MLIP: variants seen among roughly 807,000 people sequenced by gnomAD.
MLIP encodes the protein muscular LMNA-interacting protein.
A neutral mutation model predicts 84.8 loss-of-function variants in MLIP; 79 were observed. That is an observed-to-expected ratio of 0.93 (90% CI 0.78 to 1.12). MLIP has a LOEUF of 1.12. MLIP is among the 50% of genes most tolerant of loss of function. The pLI, the probability that MLIP is intolerant of heterozygous loss-of-function variation, is 0.00. For missense variants in MLIP, 1,257 were observed against 1,160.6 expected, an observed-to-expected ratio of 1.08 and a Z score of -1.21; for synonymous variants, 504 against 463.0, an observed-to-expected ratio of 1.09 and a Z score of -1.14.
chr6:54,176,454 G>C (rs1430372029), intron 9 of MLIP, among the ~76,000 whole-genome samples: 1 of 151,766 alleles, frequency 6.6e-6, no homozygotes, highest in Non-Finnish European at 1.5e-5. Flanking sequence ...TTTCTTCATG[G>C]TTCAGTCTTG....
At chr6:54,184,937 C>T (rs1170002296) in intron 9 of MLIP, among the ~76,000 whole-genome samples, 3 of 152,070 alleles carry the variant, frequency 2.0e-5, no homozygotes, top group Admixed American at 6.6e-5. Context: ...AAAACTGGAG[C>T]GATATGAATG....
rs1433078318 is a variant in MLIP at position 54,136,921 on chromosome 6, T to G, written c.852T>G (p.Ser284=). The change falls in exon 4 of 14, where the codon TCT becomes TCG. Residue 284 remains serine, a synonymous_variant. Transcript: ENST00000502396. ...SATYFQTTAH[S]TPFSASKGTS... ...CGTATTTTCAAACTACCGCTCACTC[T>G]ACACCCTTTTCTGCATCGAAGGGCA... 6.5e-7 allele frequency: 1 copy of G among 1,536,036 alleles called. No individual in the cohort carries two copies. Among genetic ancestry groups the G allele is most frequent in the East Asian group, 2.4e-5 (1 of 40,914 alleles).
chr6:54,112,004 G>A (rs1027334673), intron 1 of MLIP, among the ~76,000 whole-genome samples: 2 of 152,200 alleles, frequency 1.3e-5, no homozygotes, highest in South Asian at 2.1e-4. Flanking sequence ...AGAAGATGAC[G>A]TTCTTAGAGA....
chr6:54,218,101 A>G (rs1582534544), intron 11 of MLIP: 32 of 531,414 alleles, frequency 6.0e-5, no homozygotes, highest in Non-Finnish European at 7.2e-5. Context: ...TGCCTATTTC[A>G]GTTATGTGTC....
chr6:54,024,474 A>C (rs1763686194), intron 1 of MLIP, among the ~76,000 whole-genome samples: 1 of 152,178 alleles, frequency 6.6e-6, no homozygotes, highest in Admixed American at 6.5e-5. Context: ...GTGTCTTCAG[A>C]GATGCAACCT....
chr6:54,216,171 CTTG>C, intron 11 of MLIP: 2 of 985,204 alleles, frequency 2.0e-6, no homozygotes, highest in Non-Finnish European at 2.4e-6. Flanking sequence ...TTAAATGTTT[CTTG>C]TTATCATTTC....
intron 1 of MLIP, among the ~76,000 whole-genome samples, chr6:54,070,240 A>T (rs1234760068): frequency 6.6e-6 from 1 of 152,030 alleles, no homozygotes; most frequent in Non-Finnish European, 1.5e-5. Flanking sequence ...CATTTTTGTT[A>T]TTCTCCTTCA....
intron 1 of MLIP, among the ~76,000 whole-genome samples, chr6:54,116,435 A>T (rs1015034026): frequency 2.6e-5 from 4 of 152,348 alleles, no homozygotes; most frequent in African/African-American, 9.6e-5. Flanking sequence ...TACCACAGAA[A>T]TACAAAGTAT....
chr6:54,068,357 G>A lies in MLIP; in HGVS notation c.63+49266G>A, dbSNP rs561703978. Among the ~76,000 whole-genome samples the A allele has an allele frequency of 3.1e-5, 3 of 97,520 alleles. 1 individual carries two copies. In the East Asian group the frequency reaches 8.3e-4, roughly 27 times the overall value. 64.0% of individuals were successfully genotyped at this position (97,520 alleles called of 152,430 possible). ...TCACCATGTCGGCCAGGCTGGTCTC[G>A]AACTCCTGACCTCAAGTGATCCACC... On this transcript the variant is annotated intron_variant, in intron 1 of 12. Coordinates refer to the MLIP transcript ENST00000274897.
At chr6:54,089,013 A>G (rs1048093211) in intron 1 of MLIP, among the ~76,000 whole-genome samples, 6 of 152,022 alleles carry the variant, frequency 3.9e-5, no homozygotes, top group African/African-American at 1.5e-4. Flanking sequence ...CTGGAAAAAA[A>G]AGTGGAGACT....
intron 11 of MLIP, among the ~76,000 whole-genome samples, chr6:54,209,732 C>T (rs527949305): frequency 2.6e-4 from 40 of 151,990 alleles, no homozygotes; most frequent in Admixed American, 4.6e-4. Context: ...CAATTTTGTT[C>T]CTTTTCATCA....
At chr6:54,138,501 T>C (rs997352601) in intron 4 of MLIP, among the ~76,000 whole-genome samples, 2 of 152,188 alleles carry the variant, frequency 1.3e-5, no homozygotes, top group Non-Finnish European at 2.9e-5. Context: ...CCTTTGATTT[T>C]GAAAATCCTC....
chr6:54,125,232 A>G (rs1033031868), intron 3 of MLIP, among the ~76,000 whole-genome samples: 8 of 152,208 alleles, frequency 5.3e-5, no homozygotes, highest in Admixed American at 2.6e-4. Flanking sequence ...CAAGAAGCAT[A>G]TTTCAGACGT....
chr6:54,217,259 A>T, intron 11 of MLIP: 1 of 985,414 alleles, frequency 1.0e-6, no homozygotes. Flanking sequence ...AAACCACAGG[A>T]AAGGAAGTGA....
At chr6:54,203,056 T>C (rs1778800669) in intron 11 of MLIP, among the ~76,000 whole-genome samples, 1 of 152,168 alleles carries the variant, frequency 6.6e-6, no homozygotes, top group African/African-American at 2.4e-5. Context: ...GATCAAGTCA[T>C]ATTTAGGATT....
At chr6:54,136,561 C>T (rs1296709094) in intron 3 of MLIP, among the ~76,000 whole-genome samples, 154 bp from the exon 4 acceptor site, 1 of 152,138 alleles carries the variant, frequency 6.6e-6, no homozygotes. Context: ...AGAGCAAGGC[C>T]TCATTAGCAA....
intron 12 of MLIP, among the ~76,000 whole-genome samples, chr6:54,232,797 G>T (rs1237516860): frequency 6.6e-6 from 1 of 152,130 alleles, no homozygotes; most frequent in Non-Finnish European, 1.5e-5. Context: ...TGACCTTACA[G>T]CTTTGCCTAC....
chr6:54,034,116 T>C (rs1362263114), intron 1 of MLIP, among the ~76,000 whole-genome samples: 1 of 152,238 alleles, frequency 6.6e-6, no homozygotes, highest in Non-Finnish European at 1.5e-5. Context: ...GGACCTACTT[T>C]GTTGGTCAAC....
At chr6:54,217,922 A>C in intron 11 of MLIP, 1 of 985,452 alleles carries the variant, frequency 1.0e-6, no homozygotes, top group Non-Finnish European at 1.2e-6. Flanking sequence ...ATTAGGTACC[A>C]ACCTCAAGAT....
Sources: gnomAD v4.1 joint callset for allele counts (sites outside exome capture counted in the v4.1 genomes callset) on GRCh38, gnomAD v4.1.1 for gene constraint, MANE v1.5 for transcripts, NCBI Gene and HGNC (gene_info 2026-07-23, HGNC 2026-07-21) for gene names.